Variants in PARD3 observed in about 807,000 individuals in gnomAD.
PARD3 encodes the protein par-3 family cell polarity regulator, also known as partitioning defective 3 homolog.
Under a neutral mutation model 155.4 loss-of-function variants are expected in PARD3, and 75 were observed. The ratio of observed to expected loss-of-function variants is 0.48; its 90% CI spans 0.40 to 0.58. The LOEUF is 0.58. Ranked by LOEUF, PARD3 falls within the 20% of genes least tolerant of loss-of-function variation. The pLI is 0.00. For synonymous variants in PARD3, 576 were observed against 610.5 expected, an observed-to-expected ratio of 0.94 and a Z score of 0.83; for missense variants, 1,642 against 1,721.7, an observed-to-expected ratio of 0.95 and a Z score of 0.82.
chr10:34,602,850 A>C lies in PARD3; in HGVS notation c.223-85691T>G, dbSNP rs527765806. On this transcript the variant is annotated intron_variant, in intron 2 of 24. Coordinates refer to ENST00000374788, the MANE Select transcript of PARD3 (RefSeq NM_001184785.2). ...CAAGCCTTCACTATATATCCTCTTGAATTTTTTTTAAAGGCCTCTACTGCC... is the reference window on the plus strand; with the variant it reads ...CAAGCCTTCACTATATATCCTCTTGCATTTTTTTTAAAGGCCTCTACTGCC... 2.0e-5 allele frequency among the ~76,000 whole-genome samples: 3 copies of C among 152,292 alleles called. No homozygotes were observed. In the East Asian group the frequency reaches 5.8e-4, roughly 29 times the overall value.
intron 2 of PARD3, among the ~76,000 whole-genome samples, chr10:34,618,887 T>C (rs1024537162): frequency 2.0e-5 from 3 of 152,142 alleles, no homozygotes; most frequent in Admixed American, 6.5e-5. Flanking sequence ...AACCACAATA[T>C]GATCCCAGTC....
chr10:34,318,364 C>T (rs1715478593), intron 19 of PARD3, among the ~76,000 whole-genome samples: 1 of 152,130 alleles, frequency 6.6e-6, no homozygotes, highest in Non-Finnish European at 1.5e-5. Context: ...TTAATTACTC[C>T]GTGAATTCTT....
chr10:34,435,805 GA>G (rs1424596422), intron 5 of PARD3, among the ~76,000 whole-genome samples: 2 of 152,206 alleles, frequency 1.3e-5, no homozygotes, highest in African/African-American at 2.4e-5. Flanking sequence ...ACTAAGGGAA[GA>G]AAACACTATT....
chr10:34,584,610 C>T (rs1348370264), intron 2 of PARD3, among the ~76,000 whole-genome samples: 1 of 152,050 alleles, frequency 6.6e-6, no homozygotes, highest in African/African-American at 2.4e-5. Context: ...TGAAAACAAA[C>T]GTTACCTGAC....
chr10:34,776,833 T>TTTTGGGGGGGGG lies in PARD3; in HGVS notation c.120+38042_120+38043insCCCCCCCCCAAA, dbSNP rs1564608800. Among the ~76,000 whole-genome samples the TTTTGGGGGGGGG allele has an allele frequency of 6.1e-4, 6 of 9,910 alleles. 1 individual carries two copies. The highest frequency in any genetic ancestry group is 1.4e-3 in the African/African-American group (5 of 3,486). 6.5% of individuals were successfully genotyped at this position (9,910 alleles called of 152,430 possible). On this transcript the variant is annotated intron_variant, in intron 1 of 24. Coordinates refer to ENST00000374788, the MANE Select transcript of PARD3 (RefSeq NM_001184785.2). ...CCAAGTATTTTCAGTCGTGTTTTTT[T>TTTTGGGGGGGGG]GTGGGGGGGGGGGGCGGGTGGGGGA... is the stretch of plus-strand genomic sequence containing the variant.
intron 20 of PARD3, among the ~76,000 whole-genome samples, chr10:34,302,956 T>C (rs1051743004): frequency 6.6e-6 from 1 of 151,986 alleles, no homozygotes; most frequent in Non-Finnish European, 1.5e-5. Context: ...CCAACACCTC[T>C]AACACTGCCA....
chr10:34,536,310 C>CT (rs1457743640), intron 2 of PARD3, among the ~76,000 whole-genome samples: 2 of 152,120 alleles, frequency 1.3e-5, no homozygotes, highest in African/African-American at 4.8e-5. Flanking sequence ...TCTACAGTGA[C>CT]TACAGTGACT....
chr10:34,799,282 T>C (rs954508367), intron 1 of PARD3, among the ~76,000 whole-genome samples: 2 of 152,122 alleles, frequency 1.3e-5, no homozygotes, highest in South Asian at 2.1e-4. Context: ...CCTCAGGTGA[T>C]CCACCCGCCT....
intron 2 of PARD3, among the ~76,000 whole-genome samples, chr10:34,585,720 T>C (rs1205790982): frequency 6.6e-6 from 1 of 152,120 alleles, no homozygotes; most frequent in African/African-American, 2.4e-5. Context: ...CTGCCTTTTG[T>C]AAAATCCCAT....
chr10:34,608,935 G>C (rs140086175), intron 2 of PARD3, among the ~76,000 whole-genome samples: 4 of 152,156 alleles, frequency 2.6e-5, no homozygotes, highest in Non-Finnish European at 2.9e-5. Flanking sequence ...GTCTACAGGA[G>C]AGTAGAAATA....
At chr10:34,359,419 A>C in intron 13 of PARD3, 102 bp from the exon 14 acceptor site, 1 of 862,256 alleles carries the variant, frequency 1.2e-6, no homozygotes, top group Non-Finnish European at 1.8e-6. Context: ...AAGCAAAAAA[A>C]AAAAAAGTGG....
At position 34,337,274 on chromosome 10, in the gene PARD3, C is replaced by G. The variant is rs1318414867; in HGVS notation, c.2560+1G>C. 6.4e-7 allele frequency: 1 copy of G among 1,569,820 alleles called. No individual in the cohort carries two copies. Among genetic ancestry groups the G allele is most frequent in the Non-Finnish European group, 8.6e-7 (1 of 1,158,310 alleles). On this transcript the variant is annotated splice_donor_variant, in intron 17 of 24. Transcript: ENST00000374788. LOFTEE classifies it high-confidence loss of function. ...TAAAGATTCATGGAGATTGTACTCA[C>G]TACCTAAATCCATGCTTTTTGATTT...
chr10:34,337,349 C>T lies in PARD3; in HGVS notation c.2486G>A (p.Arg829His), dbSNP rs562286256. 2.9e-5 allele frequency: 46 copies of T among 1,602,306 alleles called. 1 individual carries two copies. The highest frequency in any genetic ancestry group is 7.8e-5 in the South Asian group (7 of 89,566). ...ACTGGCATCTGAAAATTGCTTTGTGCGTTTTTCTGACATACTCTGACGTCC... is the reference window on the plus strand; with the variant it reads ...ACTGGCATCTGAAAATTGCTTTGTGTGTTTTTCTGACATACTCTGACGTCC... Reference protein sequence around the residue: ...GFGRQSMSEKRTKQFSDASQL... With the variant: ...GFGRQSMSEKHTKQFSDASQL... Residue 829 changes from arginine (R) to histidine (H), a missense_variant, in exon 17 of 25, where the codon CGC becomes CAC. Around this residue, in one of 3 missense-constraint regions of PARD3, gnomAD observed 1,529 missense variants for 1,587.3 expected, o/e 0.96. Transcript: ENST00000374788.
At chr10:34,755,700 G>A (rs948564153) in intron 1 of PARD3, among the ~76,000 whole-genome samples, 6 of 152,062 alleles carry the variant, frequency 3.9e-5, no homozygotes, top group African/African-American at 1.4e-4. Flanking sequence ...CAAAGATTTG[G>A]CATTAAACTG....
intron 20 of PARD3, among the ~76,000 whole-genome samples, chr10:34,308,402 G>T (rs1771543417): frequency 6.6e-6 from 1 of 152,192 alleles, no homozygotes; most frequent in South Asian, 2.1e-4. Context: ...GCGGCACTGG[G>T]GGCTGAAAAG....
intron 22 of PARD3, among the ~76,000 whole-genome samples, chr10:34,192,532 T>A (rs567607376): frequency 6.6e-6 from 1 of 152,186 alleles, no homozygotes; most frequent in South Asian, 2.1e-4. Flanking sequence ...TAATGCTTCG[T>A]AAAAAAAATT....
At chr10:34,714,259 T>A (rs2133662000) in intron 1 of PARD3, among the ~76,000 whole-genome samples, 1 of 152,216 alleles carries the variant, frequency 6.6e-6, no homozygotes, top group Non-Finnish European at 1.5e-5. Flanking sequence ...ACATAAAGAT[T>A]AATTCCTTAC....
At chr10:34,766,791 G>A (rs761258252) in intron 1 of PARD3, among the ~76,000 whole-genome samples, 3 of 152,134 alleles carry the variant, frequency 2.0e-5, no homozygotes, top group Admixed American at 6.6e-5. Context: ...CAATTACAAC[G>A]CAGGAACGTG....
At chr10:34,204,071 G>A (rs1048722221) in intron 22 of PARD3, among the ~76,000 whole-genome samples, 2 of 152,194 alleles carry the variant, frequency 1.3e-5, no homozygotes, top group African/African-American at 4.8e-5. Context: ...TGTTGACTAA[G>A]CCTAGATCTC....
Sources: allele counts gnomAD v4.1 joint callset (sites outside exome capture counted in the v4.1 genomes callset), GRCh38; gene constraint gnomAD v4.1.1; regional missense constraint gnomAD v4.1.1; transcripts MANE v1.5; gene names NCBI Gene and HGNC (gene_info 2026-07-23, HGNC 2026-07-21).